ZNF638: variants seen among roughly 807,000 people sequenced by gnomAD.
ZNF638 encodes the protein CTCL tumor antigen se33-1.
ZNF638 carries 46 observed loss-of-function variants against 195.6 expected under a neutral mutation model. The observed-to-expected ratio is 0.24, with a 90% confidence interval of 0.19 to 0.30. The LOEUF is 0.30. Among genes scored for constraint, ZNF638 ranks in the 10% least tolerant of loss-of-function variants. The pLI, the probability that ZNF638 is intolerant of heterozygous loss-of-function variation, is 1.00. For synonymous variants in ZNF638, 845 were observed against 772.0 expected, an observed-to-expected ratio of 1.09 and a Z score of -1.57; for missense variants, 2,440 against 2,325.3, an observed-to-expected ratio of 1.05 and a Z score of -1.01.
chr2:71,350,380 G>A, intron 2 of ZNF638, 109 bp downstream of exon 2: 1 of 1,161,400 alleles, frequency 8.6e-7, no homozygotes, highest in Admixed American at 2.2e-5. Context: ...AATGGCAGAA[G>A]GTAATTTTAA....
At chr2:71,370,055 A>C (rs1163881465) in intron 8 of ZNF638, 50 bp downstream of exon 8, 1 of 1,574,396 alleles carries the variant, frequency 6.4e-7, no homozygotes, top group East Asian at 2.3e-5. Context: ...TTTTAGTTTA[A>C]CTTTTTTGTT....
In ZNF638 at chr2:71,384,856, G is replaced by GT. The variant is rs1204508581; in HGVS notation, c.2377+4292dup. Reference sequence around the variant, plus strand: ...ATATTTCAGAAAATGTTTAAAGAAAGTGATTTACACCATTCAGAGATCACC... The same window carrying GT: ...ATATTTCAGAAAATGTTTAAAGAAAGTTGATTTACACCATTCAGAGATCACC... On this transcript the variant is annotated intron_variant, in intron 10 of 27. Coordinates refer to ENST00000264447, the MANE Select transcript of ZNF638 (RefSeq NM_014497.5). Among the ~76,000 whole-genome samples the GT allele has an allele frequency of 2.6e-5, 4 of 152,246 alleles. No individual in the cohort carries two copies. In the East Asian group the frequency reaches 7.7e-4, roughly 29 times the overall value.
chr2:71,382,930 G>T (rs1410005966), intron 10 of ZNF638, among the ~76,000 whole-genome samples: 1 of 152,178 alleles, frequency 6.6e-6, no homozygotes, highest in Non-Finnish European at 1.5e-5. Flanking sequence ...ACAAAGAAAA[G>T]AAGCCTCACA....
intron 26 of ZNF638, among the ~76,000 whole-genome samples, chr2:71,431,768 A>C (rs60445086): frequency 0.021 from 3,237 of 152,176 alleles, 124 homozygotes; most frequent in African/African-American, 0.073. Context: ...TCAAAAAAAA[A>C]AAAAAACAAA....
chr2:71,358,243 C>G (rs1489623729), intron 3 of ZNF638, among the ~76,000 whole-genome samples: 3 of 152,146 alleles, frequency 2.0e-5, no homozygotes, highest in Non-Finnish European at 2.9e-5. Flanking sequence ...GATTTCATCT[C>G]AAGAATTTTA....
chr2:71,335,211 T>A (rs895278735), intron 1 of ZNF638, among the ~76,000 whole-genome samples: 6 of 152,034 alleles, frequency 3.9e-5, no homozygotes, highest in Non-Finnish European at 8.8e-5. Context: ...TAATCTTTTT[T>A]AAAAAAATTC....
intron 24 of ZNF638, among the ~76,000 whole-genome samples, chr2:71,427,644 C>CA (rs2080566541): frequency 1.3e-5 from 2 of 151,376 alleles, no homozygotes; most frequent in African/African-American, 2.4e-5. Context: ...GAAAGGATGA[C>CA]AAAAAACAGA....
intron 1 of ZNF638, 162 bp from the exon 2 acceptor site, chr2:71,348,591 G>C: frequency 8.3e-7 from 1 of 1,201,036 alleles, no homozygotes; most frequent in Non-Finnish European, 1.0e-6. Context: ...AGAAGAGAAA[G>C]TTTTTGGGAA....
intron 10 of ZNF638, chr2:71,393,670 C>G (rs1319323222): frequency 9.8e-6 from 7 of 714,578 alleles, no homozygotes; most frequent in Non-Finnish European, 1.3e-5. Context: ...ACGTAGGATC[C>G]TTTTTATGCT....
chr2:71,410,283 T>G (rs998320221), intron 20 of ZNF638, among the ~76,000 whole-genome samples: 2 of 152,180 alleles, frequency 1.3e-5, no homozygotes, highest in African/African-American at 4.8e-5. Context: ...ACTCCTGGGC[T>G]TAAGCGATCC....
intron 25 of ZNF638, among the ~76,000 whole-genome samples, chr2:71,430,646 C>T (rs1408174049): frequency 6.6e-6 from 1 of 152,118 alleles, no homozygotes; most frequent in African/African-American, 2.4e-5. Context: ...AATGATTTCA[C>T]GTGCCTATCT....
At chr2:71,360,010 T>A (rs1199289530) in intron 3 of ZNF638, among the ~76,000 whole-genome samples, 2 of 152,184 alleles carry the variant, frequency 1.3e-5, no homozygotes, top group East Asian at 3.9e-4. Context: ...CTACGAGGTG[T>A]TAAGTATAAG....
At chr2:71,404,910 G>A (rs6707547) in intron 17 of ZNF638, among the ~76,000 whole-genome samples, 14,582 of 152,124 alleles carry the variant, frequency 0.096, 1,386 homozygotes, top group East Asian at 0.55. Flanking sequence ...TAGAAATATT[G>A]TATGCATCAC....
At chr2:71,357,556 T>C (rs2079044089) in intron 3 of ZNF638, among the ~76,000 whole-genome samples, 3 of 152,124 alleles carry the variant, frequency 2.0e-5, no homozygotes, top group Admixed American at 2.0e-4. Context: ...TGGATGGGGG[T>C]GAGTTACTTA....
intron 20 of ZNF638, among the ~76,000 whole-genome samples, chr2:71,410,374 T>G (rs1488870551): frequency 3.6e-5 from 5 of 139,866 alleles, no homozygotes; most frequent in African/African-American, 5.6e-5. Flanking sequence ...TTTTGATTTT[T>G]TTTTTGTGTG....
chr2:71,422,404 A>C (rs1392616215), intron 21 of ZNF638, among the ~76,000 whole-genome samples: 1 of 152,134 alleles, frequency 6.6e-6, no homozygotes, highest in African/African-American at 2.4e-5. Context: ...ATTTTAAATC[A>C]TAATGCATGG....
At chr2:71,345,661 G>A (rs1459857908) in intron 1 of ZNF638, among the ~76,000 whole-genome samples, 26 of 152,106 alleles carry the variant, frequency 1.7e-4, no homozygotes, top group Admixed American at 1.4e-3. Flanking sequence ...GGGATTACAG[G>A]TGTGAGCCAC....
intron 17 of ZNF638, among the ~76,000 whole-genome samples, 156 bp from the exon 18 acceptor site, chr2:71,405,444 AT>A (rs2080087859): frequency 6.6e-6 from 1 of 152,202 alleles, no homozygotes; most frequent in Non-Finnish European, 1.5e-5. Context: ...GGAGAGAAAG[AT>A]TTTTGGAAAG....
At chr2:71,419,597 G>T (rs2080380343) in intron 21 of ZNF638, among the ~76,000 whole-genome samples, 1 of 152,128 alleles carries the variant, frequency 6.6e-6, no homozygotes, top group Admixed American at 6.5e-5. Context: ...TCAGCACAGG[G>T]TTATTTAAGT....
Sources: gnomAD v4.1 joint callset for allele counts (sites outside exome capture counted in the v4.1 genomes callset) on GRCh38, gnomAD v4.1.1 for gene constraint, MANE v1.5 for transcripts, NCBI Gene and HGNC (gene_info 2026-07-23, HGNC 2026-07-21) for gene names.